KCNJ3: variants seen among roughly 807,000 people sequenced by gnomAD.
The protein encoded by KCNJ3 is potassium inwardly rectifying channel subfamily J member 3, also known as G protein-activated inward rectifier potassium channel 1.
KCNJ3 carries 4 observed loss-of-function variants against 39.2 expected under a neutral mutation model. That is an observed-to-expected ratio of 0.10 (90% CI 0.05 to 0.23). The LOEUF (loss-of-function observed/expected upper bound fraction) is 0.23, where lower values mean the gene tolerates loss of function less well. KCNJ3 is among the 10% of genes least tolerant of loss of function. KCNJ3 has a pLI of 1.00. For missense variants in KCNJ3, 276 were observed against 634.9 expected (o/e 0.43, Z 6.08); for synonymous variants, 230 against 237.4 (o/e 0.97, Z 0.29).
chr2:154,730,840 T>C (rs919001614), intron 2 of KCNJ3, among the ~76,000 whole-genome samples: 5 of 152,230 alleles, frequency 3.3e-5, no homozygotes, highest in Non-Finnish European at 7.4e-5. Context: ...TCATCTAAAA[T>C]ATATTGTCAA....
chr2:154,792,132 G>T (rs1418528608), intron 2 of KCNJ3, among the ~76,000 whole-genome samples: 1 of 151,988 alleles, frequency 6.6e-6, no homozygotes, highest in East Asian at 1.9e-4. Context: ...AAATGACAAG[G>T]CCCTGACTAT....
At chr2:154,765,746 G>A (rs1686122745) in intron 2 of KCNJ3, among the ~76,000 whole-genome samples, 1 of 152,154 alleles carries the variant, frequency 6.6e-6, no homozygotes, top group South Asian at 2.1e-4. Flanking sequence ...AATCTTCAAA[G>A]AAAATACAAT....
At chr2:154,702,154 A>G (rs1289736880) in intron 1 of KCNJ3, among the ~76,000 whole-genome samples, 3 of 152,002 alleles carry the variant, frequency 2.0e-5, no homozygotes, top group African/African-American at 7.2e-5. Context: ...CATTATTCTG[A>G]TTAAATATTA....
At chr2:154,756,875 A>G (rs770066618) in intron 2 of KCNJ3, among the ~76,000 whole-genome samples, 10 of 152,092 alleles carry the variant, frequency 6.6e-5, no homozygotes, top group Non-Finnish European at 8.8e-5. Flanking sequence ...GACACCTAAG[A>G]CATTTGTACT....
chr2:154,793,983 G>A (rs1198609719), intron 2 of KCNJ3, among the ~76,000 whole-genome samples: 1 of 151,792 alleles, frequency 6.6e-6, no homozygotes, highest in African/African-American at 2.4e-5. Context: ...CTATTTTCAG[G>A]GACTGTTATG....
intron 2 of KCNJ3, among the ~76,000 whole-genome samples, chr2:154,780,537 G>A (rs1281377374): frequency 6.6e-6 from 1 of 152,010 alleles, no homozygotes; most frequent in East Asian, 1.9e-4. Flanking sequence ...GGGATTCAGA[G>A]CAAGGCAGTG....
chr2:154,727,793 C>A (rs919767712), intron 2 of KCNJ3, among the ~76,000 whole-genome samples: 1 of 151,550 alleles, frequency 6.6e-6, no homozygotes, highest in Admixed American at 6.6e-5. Flanking sequence ...CTAATACCTG[C>A]GAGGTCAGCT....
At chr2:154,760,187 G>A (rs755984525) in intron 2 of KCNJ3, among the ~76,000 whole-genome samples, 3 of 152,158 alleles carry the variant, frequency 2.0e-5, no homozygotes, top group Non-Finnish European at 4.4e-5. Context: ...CTGTATTACT[G>A]TGAAATGTTA....
intron 2 of KCNJ3, among the ~76,000 whole-genome samples, chr2:154,802,933 A>G (rs1054972862): frequency 2.6e-5 from 4 of 152,098 alleles, no homozygotes; most frequent in African/African-American, 4.8e-5. Context: ...AGATTTTGCA[A>G]TTAACCTACC....
intron 2 of KCNJ3, among the ~76,000 whole-genome samples, chr2:154,800,085 TAAAG>T (rs1444737562): frequency 1.3e-5 from 2 of 152,160 alleles, no homozygotes; most frequent in Non-Finnish European, 2.9e-5. Context: ...GACTCTACAC[TAAAG>T]AGCGTGTTTT....
intron 2 of KCNJ3, among the ~76,000 whole-genome samples, chr2:154,731,537 T>A (rs1232455110): frequency 6.6e-6 from 1 of 152,062 alleles, no homozygotes; most frequent in Non-Finnish European, 1.5e-5. Context: ...ATGTACAAGT[T>A]AAGTACATAT....
chr2:154,783,173 A>G (rs1686469386), intron 2 of KCNJ3, among the ~76,000 whole-genome samples: 1 of 151,998 alleles, frequency 6.6e-6, no homozygotes, highest in African/African-American at 2.4e-5. Flanking sequence ...GTGAAACTCC[A>G]TCTCAAAAAA....
At chr2:154,829,542 T>G (rs187719825) in intron 2 of KCNJ3, among the ~76,000 whole-genome samples, 4 of 152,290 alleles carry the variant, frequency 2.6e-5, no homozygotes, top group Non-Finnish European at 5.9e-5. Context: ...GATTAGCATT[T>G]AGGTTGATTC....
At chr2:154,787,322 CT>C (rs948855135) in intron 2 of KCNJ3, among the ~76,000 whole-genome samples, 3 of 151,356 alleles carry the variant, frequency 2.0e-5, no homozygotes, top group African/African-American at 7.3e-5. Flanking sequence ...AATTTTCAGT[CT>C]TTTTTTTTCT....
chr2:154,729,636 A>G (rs932022966), intron 2 of KCNJ3, among the ~76,000 whole-genome samples: 1 of 152,190 alleles, frequency 6.6e-6, no homozygotes, highest in African/African-American at 2.4e-5. Flanking sequence ...TATATGGCTT[A>G]TAATGTTTGA....
intron 2 of KCNJ3, among the ~76,000 whole-genome samples, chr2:154,764,541 A>C (rs1484012802): frequency 1.3e-5 from 2 of 152,126 alleles, no homozygotes; most frequent in Non-Finnish European, 2.9e-5. Context: ...CACTTTTTTG[A>C]TTACATCTTC....
intron 2 of KCNJ3, among the ~76,000 whole-genome samples, chr2:154,808,060 GA>G (rs1029350789): frequency 3.7e-4 from 56 of 151,862 alleles, no homozygotes; most frequent in African/African-American, 1.3e-3. Flanking sequence ...GTGTCAAATG[GA>G]AGAGGGATAA....
chr2:154,783,177 C>CA (rs956784504), intron 2 of KCNJ3, among the ~76,000 whole-genome samples: 25 of 145,296 alleles, frequency 1.7e-4, no homozygotes, highest in African/African-American at 5.3e-4. Flanking sequence ...AACTCCATCT[C>CA]AAAAAAAAAA....
intron 2 of KCNJ3, among the ~76,000 whole-genome samples, chr2:154,752,876 A>C (rs1272787938): frequency 3.9e-5 from 6 of 152,060 alleles, no homozygotes. Flanking sequence ...TTGTAAAAAC[A>C]TGAAGAGAAA....
Sources: gnomAD v4.1 joint callset for allele counts (sites outside exome capture counted in the v4.1 genomes callset) on GRCh38, gnomAD v4.1.1 for gene constraint, MANE v1.5 for transcripts, NCBI Gene and HGNC (gene_info 2026-07-23, HGNC 2026-07-21) for gene names.